C14orf39: variants seen among roughly 807,000 people sequenced by gnomAD.
C14orf39 encodes chromosome 14 open reading frame 39.
In C14orf39, 66 loss-of-function variants were observed where a neutral mutation model predicts 85.6. That is an observed-to-expected ratio of 0.77 (90% CI 0.63 to 0.95). C14orf39 has a LOEUF of 0.95. Ranked by LOEUF, C14orf39 falls within the 40% of genes least tolerant of loss-of-function variation. C14orf39 has a pLI of 0.00. For synonymous variants in C14orf39, 242 were observed against 214.0 expected (o/e 1.13, Z -1.14); for missense variants, 735 against 663.9 (o/e 1.11, Z -1.18).
intron 5 of C14orf39, among the ~76,000 whole-genome samples, chr14:60,471,952 A>T (rs1566673454): frequency 6.6e-6 from 1 of 151,820 alleles, no homozygotes; most frequent in Non-Finnish European, 1.5e-5. Flanking sequence ...TTCACTTCTT[A>T]ATTCTATTCA....
At chr14:60,465,918 T>G in intron 11 of C14orf39, 61 bp downstream of exon 11, 2 of 831,350 alleles carry the variant, frequency 2.4e-6, no homozygotes, top group Admixed American at 2.8e-5. Flanking sequence ...GGCAGTACAT[T>G]CATTATTACA....
intron 1 of C14orf39, among the ~76,000 whole-genome samples, chr14:60,507,053 G>C (rs999350872): frequency 1.3e-5 from 2 of 152,160 alleles, no homozygotes; most frequent in Non-Finnish European, 2.9e-5. Context: ...TCAGCAGCTA[G>C]GCGCTGGGAT....
intron 16 of C14orf39, among the ~76,000 whole-genome samples, chr14:60,453,013 AAAAG>A (rs1891108500): frequency 6.6e-6 from 1 of 152,116 alleles, no homozygotes; most frequent in African/African-American, 2.4e-5. Flanking sequence ...TCAGAACCTG[AAAAG>A]AATATATATG....
At chr14:60,474,708 G>C (rs950015894) in intron 5 of C14orf39, among the ~76,000 whole-genome samples, 11 of 151,926 alleles carry the variant, frequency 7.2e-5, no homozygotes, top group African/African-American at 2.7e-4. Flanking sequence ...TACATTTATT[G>C]ATTTGCATAT....
intron 1 of C14orf39, among the ~76,000 whole-genome samples, chr14:60,510,204 G>C (rs573200821): frequency 1.3e-5 from 2 of 152,196 alleles, no homozygotes; most frequent in East Asian, 3.9e-4. Context: ...AGCTGGTCCC[G>C]GTCACCAAAC....
intron 16 of C14orf39, among the ~76,000 whole-genome samples, chr14:60,452,166 CAAA>C (rs561612954): frequency 5.1e-5 from 3 of 58,864 alleles, no homozygotes; most frequent in Admixed American, 3.7e-4. Flanking sequence ...GACTCCATCT[CAAA>C]AAAAAAAAAA....
chr14:60,465,731 T>C (rs546295917), intron 11 of C14orf39, among the ~76,000 whole-genome samples: 1 of 152,098 alleles, frequency 6.6e-6, no homozygotes, highest in Non-Finnish European at 1.5e-5. Flanking sequence ...AAAATATCTT[T>C]TTCTATTATT....
At chr14:60,509,989 C>A in intron 1 of C14orf39, 1 of 1,581,784 alleles carries the variant, frequency 6.3e-7, no homozygotes, top group South Asian at 1.1e-5. Flanking sequence ...CTAGAGGCCT[C>A]CGCGCTTTGA....
At chr14:60,507,685 ACACCTCCAAC>A (rs1893223785) in intron 1 of C14orf39, among the ~76,000 whole-genome samples, 1 of 152,064 alleles carries the variant, frequency 6.6e-6, no homozygotes, top group Non-Finnish European at 1.5e-5. Context: ...ATCTGACCCG[ACACCTCCAAC>A]CATCTGTGCT....
At position 60,466,060 on chromosome 14, in the gene C14orf39, AT is replaced by A; in HGVS notation, c.896-6del. 7.1e-7 allele frequency: 1 copy of A among 1,415,282 alleles called. No homozygotes were observed. The highest frequency in any genetic ancestry group is 9.6e-7 in the Non-Finnish European group (1 of 1,046,342). 87.7% of individuals were successfully genotyped at this position (1,415,282 alleles called of 1,614,324 possible). A position where few individuals can be genotyped will look rare whatever the true frequency, so the allele number is the denominator to read the frequency against. On this transcript the variant is annotated splice_polypyrimidine_tract_variant and splice_region_variant and intron_variant, in intron 10 of 17. Coordinates refer to ENST00000321731, the MANE Select transcript of C14orf39 (RefSeq NM_174978.3). Reference sequence around the variant, plus strand: ...CAGAACTTTCTTCTTTTATATCTAGATTATTAAATAGTACTACTTTAAATCA... The same window carrying A: ...CAGAACTTTCTTCTTTTATATCTAGATATTAAATAGTACTACTTTAAATCA...
At chr14:60,444,342 G>A (rs564965395) in intron 16 of C14orf39, among the ~76,000 whole-genome samples, 1 of 152,120 alleles carries the variant, frequency 6.6e-6, no homozygotes, top group African/African-American at 2.4e-5. Context: ...AAACAGCGTA[G>A]AGAAGACTTT....
intron 13 of C14orf39, among the ~76,000 whole-genome samples, chr14:60,459,239 T>A (rs1305093222): frequency 1.3e-5 from 2 of 151,818 alleles, no homozygotes; most frequent in African/African-American, 4.8e-5. Flanking sequence ...TTTACTGATG[T>A]AAAGTATTCC....
chr14:60,483,407 G>A (rs1029680868), intron 4 of C14orf39, among the ~76,000 whole-genome samples: 2 of 152,056 alleles, frequency 1.3e-5, no homozygotes, highest in Non-Finnish European at 2.9e-5. Flanking sequence ...ATTCAAAAAT[G>A]GAAATTGTTT....
intron 1 of C14orf39, chr14:60,509,169 C>A (rs1324165544): frequency 3.5e-6 from 2 of 566,172 alleles, no homozygotes; most frequent in African/African-American, 3.9e-5. Flanking sequence ...GCTCGCCTGC[C>A]GGCGTGCCTG....
intron 1 of C14orf39, chr14:60,511,025 G>A: frequency 2.6e-6 from 4 of 1,558,666 alleles, no homozygotes; most frequent in Non-Finnish European, 3.5e-6. Flanking sequence ...AGGTGGTGGG[G>A]GCGGGCGACG....
chr14:60,514,605 T>TA (rs1381262296), intron 1 of C14orf39, among the ~76,000 whole-genome samples: 5 of 152,176 alleles, frequency 3.3e-5, no homozygotes, highest in African/African-American at 9.6e-5. Context: ...AGTTTGTTTA[T>TA]AAAAAATCTG....
rs372599850 is a variant in C14orf39, at chr14:60,471,536, A to C, written c.511+16T>G. 3.2e-6 allele frequency: 5 copies of C among 1,583,520 alleles called. No individual in the cohort carries two copies. The African/African-American group carries it at 6.9e-5, about 22-fold the overall frequency. On this transcript the variant is annotated intron_variant, in intron 6 of 17. Transcript: ENST00000321731. ...AAGATATCATAATTAAAACAATATA[A>C]CAAAAATATTAATACCTCGAAATTT...
chr14:60,437,704 G>A (rs1167908289), intron 17 of C14orf39, among the ~76,000 whole-genome samples: 1 of 152,010 alleles, frequency 6.6e-6, no homozygotes, highest in African/African-American at 2.4e-5. Context: ...CAATCATAGT[G>A]ATGGTAATGG....
chr14:60,490,649 T>A (rs143668941), upstream of C14orf39, among the ~76,000 whole-genome samples: 1 of 151,102 alleles, frequency 6.6e-6, no homozygotes, highest in African/African-American at 2.5e-5. Flanking sequence ...AAGTAAAAAA[T>A]TTTAAAAATG....
Sources: gnomAD v4.1 joint callset for allele counts (sites outside exome capture counted in the v4.1 genomes callset) on GRCh38, gnomAD v4.1.1 for gene constraint, MANE v1.5 for transcripts, NCBI Gene and HGNC (gene_info 2026-07-23, HGNC 2026-07-21) for gene names.